Variants in DOCK9 observed in about 807,000 individuals in gnomAD.
DOCK9 encodes the protein dedicator of cytokinesis protein 9.
Under a neutral mutation model 263.3 loss-of-function variants are expected in DOCK9, and 89 were observed. The ratio of observed to expected loss-of-function variants is 0.34; its 90% CI spans 0.28 to 0.40. DOCK9 has a LOEUF of 0.40. Ranked by LOEUF, DOCK9 falls within the 10% of genes least tolerant of loss-of-function variation. The probability of loss-of-function intolerance (pLI) is 1.00; values close to 1 mark genes in which losing one functional copy is unlikely to be tolerated. For missense variants in DOCK9, 2,140 were observed against 2,603.4 expected (o/e 0.82, Z 3.87); for synonymous variants, 976 against 973.1 (o/e 1.00, Z -0.06).
chr13:98,942,580 CA>C (rs2056123441), intron 2 of DOCK9, among the ~76,000 whole-genome samples: 1 of 152,158 alleles, frequency 6.6e-6, no homozygotes, highest in Non-Finnish European at 1.5e-5. Flanking sequence ...CTAAAAGGAC[CA>C]TAATTCTGTG....
chr13:98,902,462 CAG>C lies in DOCK9; in HGVS notation c.1204_1205del (p.Leu402ValfsTer2). The C allele has an allele frequency of 1.2e-6, 2 of 1,613,922 alleles. No homozygotes were observed. Among genetic ancestry groups the C allele is most frequent in the Non-Finnish European group, 1.7e-6 (2 of 1,179,876 alleles). On this transcript the variant is annotated frameshift_variant, in exon 12 of 53. Coordinates refer to ENST00000682017, the MANE Select transcript of DOCK9 (RefSeq NM_001366683.2). LOFTEE classifies it high-confidence loss of function. Reference sequence around the variant, plus strand: ...TCTTCCGGTTGTATTTTATGTCAAACAGGGATAGAGTAACAAAGAAAGGTTCA... The same window carrying C: ...TCTTCCGGTTGTATTTTATGTCAAACGGATAGAGTAACAAAGAAAGGTTCA... ...NVEPFFVTLS[L>X]FDIKYNRKIS...
At chr13:98,974,728 C>G (rs1017012125) in intron 1 of DOCK9, among the ~76,000 whole-genome samples, 2 of 98,388 alleles carry the variant, frequency 2.0e-5, no homozygotes, top group African/African-American at 8.1e-5. Context: ...CCAGCCTGGG[C>G]AACAAGAGCA....
chr13:98,814,782 T>A (rs1254606733), intron 45 of DOCK9, among the ~76,000 whole-genome samples: 1 of 151,694 alleles, frequency 6.6e-6, no homozygotes, highest in African/African-American at 2.4e-5. Context: ...CTGTAAAAAA[T>A]ACAAAAAAAT....
At chr13:98,896,077 G>A (rs1179012727) in intron 15 of DOCK9, among the ~76,000 whole-genome samples, 6 of 152,116 alleles carry the variant, frequency 3.9e-5, no homozygotes, top group South Asian at 2.1e-4. Context: ...TCAGCCCAGC[G>A]GGCATGCACA....
chr13:98,848,499 C>G, intron 37 of DOCK9, 93 bp downstream of exon 37: 1 of 1,377,252 alleles, frequency 7.3e-7, no homozygotes, highest in Non-Finnish European at 1.0e-6. Context: ...CCATGAACCC[C>G]AACTGCCAAC....
At chr13:99,077,335 G>A (rs1172327737) in intron 1 of DOCK9, among the ~76,000 whole-genome samples, 5 of 152,148 alleles carry the variant, frequency 3.3e-5, no homozygotes, top group Admixed American at 2.6e-4. Flanking sequence ...CCCCCTTACT[G>A]TTCTCATGAT....
chr13:98,885,056 C>A lies in DOCK9; in HGVS notation c.2297G>T (p.Arg766Met), dbSNP rs753578347. ...YSWLPLLKDGRVVTSEQHIPV... is the reference protein window; with the variant it reads ...YSWLPLLKDGMVVTSEQHIPV... ...GATGTGCTGCTCGCTTGTCACCACC[C>A]TTCCGTCTTTCAGGAGGGGAAGCCA... Residue 766 changes from arginine to methionine, a missense_variant, in exon 21 of 53, where the codon AGG (arginine) becomes ATG (methionine). Arg to Met is a moderately conservative substitution (Grantham distance 91). Around this residue, in one of 2 missense-constraint regions of DOCK9, gnomAD observed 1,521 missense variants for 1,741.7 expected, o/e 0.87. Coordinates refer to ENST00000682017, the MANE Select transcript of DOCK9 (RefSeq NM_001366683.2). 1.2e-6 allele frequency: 2 copies of A among 1,613,690 alleles called. No homozygotes were observed. Among genetic ancestry groups the A allele is most frequent in the Admixed American group, 3.3e-5 (2 of 59,976 alleles).
chr13:98,935,761 C>T (rs1461459230), intron 2 of DOCK9, among the ~76,000 whole-genome samples: 1 of 152,040 alleles, frequency 6.6e-6, no homozygotes, highest in African/African-American at 2.4e-5. Flanking sequence ...GAATGAGAGC[C>T]TGTCTCAAAA....
At chr13:98,855,722 G>A (rs2093691098) in intron 34 of DOCK9, among the ~76,000 whole-genome samples, 176 bp downstream of exon 34, 1 of 152,176 alleles carries the variant, frequency 6.6e-6, no homozygotes, top group South Asian at 2.1e-4. Context: ...AGGAATCAGA[G>A]CACTTCAAGG....
intron 32 of DOCK9, among the ~76,000 whole-genome samples, chr13:98,862,325 A>G (rs2141921383): frequency 6.6e-6 from 1 of 152,300 alleles, no homozygotes. Context: ...TCCATTATAT[A>G]TCTAAGATGT....
chr13:98,931,800 G>A (rs549164392), intron 2 of DOCK9, among the ~76,000 whole-genome samples: 7 of 151,130 alleles, frequency 4.6e-5, no homozygotes, highest in African/African-American at 1.7e-4. Flanking sequence ...GTTTCACCAT[G>A]TTGCCCAGGC....
At chr13:98,904,844 G>A in intron 9 of DOCK9, 138 bp from the exon 10 acceptor site, 2 of 661,194 alleles carry the variant, frequency 3.0e-6, no homozygotes, top group South Asian at 4.0e-5. Context: ...GCCGCTGTGT[G>A]TGCCAGGGAG....
At chr13:99,059,818 C>T (rs150363260) in intron 1 of DOCK9, among the ~76,000 whole-genome samples, 3 of 152,286 alleles carry the variant, frequency 2.0e-5, no homozygotes, top group East Asian at 1.9e-4. Context: ...ACTCTCCATG[C>T]CCCTCCCTCC....
At chr13:98,972,930 G>C (rs2059886793) in intron 1 of DOCK9, among the ~76,000 whole-genome samples, 1 of 152,206 alleles carries the variant, frequency 6.6e-6, no homozygotes, top group African/African-American at 2.4e-5. Flanking sequence ...AGATTGGCAA[G>C]TCTCCATTCT....
At chr13:99,059,793 A>G (rs1596007644) in intron 1 of DOCK9, among the ~76,000 whole-genome samples, 1 of 152,136 alleles carries the variant, frequency 6.6e-6, no homozygotes, top group South Asian at 2.1e-4. Context: ...AAGAAAGCTC[A>G]CACCATCAGC....
intron 1 of DOCK9, among the ~76,000 whole-genome samples, chr13:99,012,746 G>C (rs576062434): frequency 4.6e-5 from 7 of 152,246 alleles, no homozygotes; most frequent in Admixed American, 2.6e-4. Context: ...CAAGCCCAGG[G>C]AACATTCAAC....
chr13:99,014,777 G>A (rs1296542369), intron 1 of DOCK9, among the ~76,000 whole-genome samples: 1 of 152,136 alleles, frequency 6.6e-6, no homozygotes, highest in Admixed American at 6.5e-5. Flanking sequence ...TCACAAACCT[G>A]GTGCTGGTGG....
rs1255152258 is a variant in DOCK9 at position 98,902,980 on chromosome 13, T to C, written c.1168A>G (p.Thr390Ala). 6.6e-7 allele frequency: 1 copy of C among 1,511,694 alleles called. No individual in the cohort carries two copies. The highest frequency in any genetic ancestry group is 8.8e-7 in the Non-Finnish European group (1 of 1,135,790). The allele number at this position is 1,511,694 out of a possible 1,614,324, so 93.6% of individuals were successfully genotyped here. Residue 390 changes from threonine (T) to alanine (A), a missense_variant, in exon 11 of 53, where the codon ACT becomes GCT. Thr to Ala is a moderately conservative substitution (Grantham distance 58). Around this residue, in one of 2 missense-constraint regions of DOCK9, gnomAD observed 1,521 missense variants for 1,741.7 expected, o/e 0.87. Coordinates refer to ENST00000682017, the MANE Select transcript of DOCK9 (RefSeq NM_001366683.2). ...CCVAENEEGP[T>A]TNVEPFFVTL... ...TTAAAATGAAAAATTACATTTGTAG[T>C]GGGTCCTTCTTCATTTTCGGCAACA...
rs79008778 is a variant in DOCK9 at position 99,035,551 on chromosome 13, C to T, written c.129+50672G>A. ...GGAGTACACCATTCCCATACCATCT[C>T]CCTTTTCTGCTACAAGGAAGTACTA... is the stretch of plus-strand genomic sequence containing the variant. On this transcript the variant is annotated intron_variant, in intron 1 of 32. Coordinates refer to the DOCK9 transcript ENST00000427887. Among the ~76,000 whole-genome samples, 36 of 152,312 alleles carry T rather than the reference C, an allele frequency of 2.4e-4. No homozygotes were observed. The East Asian group carries it at 6.9e-3, about 29-fold the overall frequency.
Sources: allele counts gnomAD v4.1 joint callset (sites outside exome capture counted in the v4.1 genomes callset), GRCh38; gene constraint gnomAD v4.1.1; regional missense constraint gnomAD v4.1.1; transcripts MANE v1.5; gene names NCBI Gene and HGNC (gene_info 2026-07-23, HGNC 2026-07-21).